Variants in GOLGA4 observed in about 807,000 individuals in gnomAD.
GOLGA4 encodes the protein golgin subfamily A member 4.
GOLGA4 carries 169 observed loss-of-function variants against 265.9 expected under a neutral mutation model. That is an observed-to-expected ratio of 0.64 (90% CI 0.56 to 0.72). The LOEUF (loss-of-function observed/expected upper bound fraction) is 0.72. Ranked by LOEUF, GOLGA4 falls within the 30% of genes least tolerant of loss-of-function variation. The pLI, the probability that GOLGA4 is intolerant of heterozygous loss-of-function variation, is 0.00. For missense variants in GOLGA4, 2,482 were observed against 2,483.4 expected (o/e 1.00, Z 0.01); for synonymous variants, 923 against 855.8 (o/e 1.08, Z -1.37).
rs1047072468 is a variant in GOLGA4, at chr3:37,366,389, A to C, written c.*343A>C. 1 of 347,256 alleles carries C rather than the reference A, an allele frequency of 2.9e-6. No homozygotes were observed. The highest frequency in any genetic ancestry group is 1.5e-4 in the South Asian group (1 of 6,664). The allele number at this position is 347,256 out of a possible 1,614,324, so 21.5% of individuals were successfully genotyped here. On this transcript the variant is annotated 3_prime_UTR_variant, in exon 24 of 24. Transcript: ENST00000361924. ...AATATTCCTTTCATCCATTCTTTTT[A>C]AAGAACGGCTTACCTTTCCTATTTA...
intron 1 of GOLGA4, chr3:37,250,419 A>AT (rs2096730702): frequency 6.6e-6 from 1 of 152,200 alleles, no homozygotes. Flanking sequence ...GTCTGTCTGG[A>AT]TGTATATATG....
At chr3:37,299,236 A>C in intron 8 of GOLGA4, 52 bp from the exon 9 acceptor site, 2 of 1,207,498 alleles carry the variant, frequency 1.7e-6, no homozygotes, top group South Asian at 1.2e-5. Flanking sequence ...AGAGTTCTCA[A>C]ATGAGAAGAA....
chr3:37,275,992 C>A, intron 2 of GOLGA4: 2 of 1,613,410 alleles, frequency 1.2e-6, no homozygotes, highest in Non-Finnish European at 8.5e-7. Flanking sequence ...CGCAGAACAG[C>A]CCTGAGGCAA....
intron 2 of GOLGA4, among the ~76,000 whole-genome samples, chr3:37,255,894 A>G (rs1041418249): frequency 6.6e-6 from 1 of 152,178 alleles, no homozygotes; most frequent in African/African-American, 2.4e-5. Context: ...CTGGGATTAC[A>G]GGCATGAGTC....
Position 37,362,668 on chromosome 3 carries a change from T to A in GOLGA4, c.*33+1363T>A, listed in dbSNP as rs960678164. 5.3e-5 allele frequency among the ~76,000 whole-genome samples: 8 copies of A among 151,804 alleles called. 1 individual carries two copies. The East Asian group carries it at 1.3e-3, about 26-fold the overall frequency. ...CTCCCACCTCAGCCTCCCAAATAAC[T>A]GGGACTCTAAGGCACCTATTTTTTT... On this transcript the variant is annotated intron_variant, in intron 23 of 23. Transcript: ENST00000361924.
At position 37,296,254 on chromosome 3, in the gene GOLGA4, A is replaced by G. The variant is rs772214531; in HGVS notation, c.814+35A>G. 3.1e-6 allele frequency: 5 copies of G among 1,607,856 alleles called. No homozygotes were observed. The South Asian group carries it at 5.5e-5, about 18-fold the overall frequency. ...ATTTTGTCAAAAGGTTAATTTAAAAACTAGAGGAGAGCCAGGCTCCTTGGC... is the reference window on the plus strand; with the variant it reads ...ATTTTGTCAAAAGGTTAATTTAAAAGCTAGAGGAGAGCCAGGCTCCTTGGC... On this transcript the variant is annotated intron_variant, in intron 7 of 23. Transcript: ENST00000361924.
At chr3:37,343,113 T>TTCTG (rs2097043061) in intron 20 of GOLGA4, among the ~76,000 whole-genome samples, 1 of 151,658 alleles carries the variant, frequency 6.6e-6, no homozygotes, top group African/African-American at 2.4e-5. Context: ...AGGCTGGGTT[T>TTCTG]TTTGTTTGTT....
rs1222757088 is a variant in GOLGA4 at position 37,319,167 on chromosome 3, A to G, written c.1518A>G (p.Glu506=). Reference sequence around the variant, plus strand: ...AGAAGCTTCAGACCCGAGAAAGGGAATTTCAGGAACAAATGAAAGTAGCTC... The same window carrying G: ...AGAAGCTTCAGACCCGAGAAAGGGAGTTTCAGGAACAAATGAAAGTAGCTC... The part of the protein sequence containing the change: ...LTKKLQTRER[E]FQEQMKVALE... The change falls in exon 12 of 24, where the codon GAA becomes GAG. Residue 506 remains glutamate, a synonymous_variant. Coordinates refer to ENST00000361924, the MANE Select transcript of GOLGA4 (RefSeq NM_002078.5). 1.2e-6 allele frequency: 2 copies of G among 1,610,040 alleles called. No homozygotes were observed. The highest frequency in any genetic ancestry group is 1.7e-6 in the Non-Finnish European group (2 of 1,178,068).
At chr3:37,278,470 T>C (rs1344338168) in intron 2 of GOLGA4, among the ~76,000 whole-genome samples, 1 of 152,230 alleles carries the variant, frequency 6.6e-6, no homozygotes, top group Non-Finnish European at 1.5e-5. Flanking sequence ...CCCAGAGTGC[T>C]GGGATTACAG....
intron 14 of GOLGA4, 132 bp from the exon 15 acceptor site, chr3:37,328,283 CT>C: frequency 2.7e-6 from 1 of 366,508 alleles, no homozygotes; most frequent in East Asian, 3.4e-5. Context: ...CTCTCACACT[CT>C]CTCTCTCTCT....
intron 21 of GOLGA4, among the ~76,000 whole-genome samples, chr3:37,351,523 C>T (rs2097074506): frequency 1.3e-5 from 2 of 152,128 alleles, no homozygotes; most frequent in South Asian, 4.1e-4. Context: ...TGCCCACTGT[C>T]ATGAGAGGAA....
chr3:37,244,685 T>C (rs1376819883), intron 1 of GOLGA4, among the ~76,000 whole-genome samples: 1 of 152,242 alleles, frequency 6.6e-6, no homozygotes, highest in East Asian at 1.9e-4. Flanking sequence ...AGGTTTATTC[T>C]GAAACTATAA....
intron 7 of GOLGA4, among the ~76,000 whole-genome samples, chr3:37,296,840 G>T (rs2096879772): frequency 6.6e-6 from 1 of 152,060 alleles, no homozygotes; most frequent in Non-Finnish European, 1.5e-5. Context: ...CAAAGTATTG[G>T]GATTACAGGT....
intron 10 of GOLGA4, among the ~76,000 whole-genome samples, chr3:37,305,753 AAAAT>A (rs1271170871): frequency 6.6e-6 from 1 of 152,222 alleles, no homozygotes; most frequent in East Asian, 1.9e-4. Flanking sequence ...TCTTATCTAG[AAAAT>A]AAACTCTCCA....
chr3:37,296,767 C>T (rs911280353), intron 7 of GOLGA4, among the ~76,000 whole-genome samples: 5 of 152,038 alleles, frequency 3.3e-5, no homozygotes, highest in African/African-American at 1.2e-4. Flanking sequence ...GACGGGCTTT[C>T]ACTATGTTGG....
At chr3:37,281,025 C>T (rs2096833300) in intron 2 of GOLGA4, among the ~76,000 whole-genome samples, 2 of 152,282 alleles carry the variant, frequency 1.3e-5, no homozygotes, top group Admixed American at 1.3e-4. Context: ...GAGTATTTCA[C>T]TCCTGGCACC....
intron 16 of GOLGA4, among the ~76,000 whole-genome samples, chr3:37,331,510 T>C (rs1228922225): frequency 6.6e-6 from 1 of 152,218 alleles, no homozygotes; most frequent in Non-Finnish European, 1.5e-5. Flanking sequence ...TTGATTCAAA[T>C]CCATATTCTC....
At chr3:37,315,674 T>C (rs966967033) in intron 11 of GOLGA4, 76 bp downstream of exon 11, 9 of 1,188,160 alleles carry the variant, frequency 7.6e-6, no homozygotes, top group African/African-American at 1.6e-5. Flanking sequence ...ACTCTTTGAC[T>C]GTAAAGAAGA....
At chr3:37,256,735 G>C (rs2096749787) in intron 2 of GOLGA4, among the ~76,000 whole-genome samples, 2 of 152,024 alleles carry the variant, frequency 1.3e-5, no homozygotes, top group South Asian at 4.1e-4. Context: ...GTTCTGGGTT[G>C]CTTTAGAGCA....
Sources: gnomAD v4.1 joint callset for allele counts (sites outside exome capture counted in the v4.1 genomes callset) on GRCh38, gnomAD v4.1.1 for gene constraint, MANE v1.5 for transcripts, NCBI Gene and HGNC (gene_info 2026-07-23, HGNC 2026-07-21) for gene names.